The following CSMD1 variants were observed in gnomAD, a reference collection of about 807,000 sequenced individuals.
CSMD1 encodes CUB and Sushi multiple domains 1, also known as CUB and sushi domain-containing protein 1.
Under a neutral mutation model 417.5 loss-of-function variants are expected in CSMD1, and 213 were observed. The observed-to-expected ratio is 0.51, with a 90% CI of 0.46 to 0.57. CSMD1 has a LOEUF of 0.57. Ranked by LOEUF, CSMD1 falls within the 20% of genes least tolerant of loss-of-function variation. The pLI is 0.00. For missense variants in CSMD1, 6,923 were observed against 4,529.7 expected, an observed-to-expected ratio of 1.53 and a Z score of -15.17; for synonymous variants, 2,862 against 1,736.8, an observed-to-expected ratio of 1.65 and a Z score of -16.11.
chr8:2,995,941 G>A (rs893382544), intron 54 of CSMD1, among the ~76,000 whole-genome samples: 1 of 152,098 alleles, frequency 6.6e-6, no homozygotes, highest in African/African-American at 2.4e-5. Flanking sequence ...GGAGTAAGGC[G>A]GATTCTAGTG....
At chr8:3,689,081 C>G (rs1800096534) in intron 7 of CSMD1, among the ~76,000 whole-genome samples, 1 of 152,104 alleles carries the variant, frequency 6.6e-6, no homozygotes, top group Non-Finnish European at 1.5e-5. Context: ...CACTTATTCC[C>G]AACTCATCAT....
chr8:4,341,088 G>C (rs968034965), intron 3 of CSMD1, among the ~76,000 whole-genome samples: 5 of 152,044 alleles, frequency 3.3e-5, no homozygotes, highest in African/African-American at 1.2e-4. Flanking sequence ...AGAATAGTGA[G>C]AGAATAGAGA....
intron 1 of CSMD1, among the ~76,000 whole-genome samples, chr8:4,709,371 T>C (rs984545425): frequency 2.0e-4 from 31 of 152,280 alleles, no homozygotes; most frequent in African/African-American, 5.8e-4. Flanking sequence ...TGTCCCATTG[T>C]GTGCAGCAAT....
chr8:3,691,165 G>C (rs1163496211), intron 7 of CSMD1, among the ~76,000 whole-genome samples: 1 of 152,048 alleles, frequency 6.6e-6, no homozygotes, highest in African/African-American at 2.4e-5. Context: ...TCAGGAGTTT[G>C]AGACCAGCGT....
intron 2 of CSMD1, among the ~76,000 whole-genome samples, chr8:4,538,912 C>G (rs1797242842): frequency 6.6e-6 from 1 of 152,138 alleles, no homozygotes; most frequent in South Asian, 2.1e-4. Flanking sequence ...ATCTTTGAAT[C>G]TAAAAGCCCA....
intron 5 of CSMD1, among the ~76,000 whole-genome samples, chr8:3,821,900 T>C (rs1028931695): frequency 6.6e-6 from 1 of 152,186 alleles, no homozygotes; most frequent in Non-Finnish European, 1.5e-5. Flanking sequence ...GAACTGTGCT[T>C]CCAGAAGCTG....
intron 3 of CSMD1, among the ~76,000 whole-genome samples, chr8:4,312,475 A>C (rs1446375558): frequency 4.0e-5 from 6 of 149,710 alleles, no homozygotes; most frequent in Admixed American, 2.0e-4. Context: ...GTATATATAT[A>C]TATACACATA....
At chr8:3,678,942 T>C (rs1585063019) in intron 7 of CSMD1, among the ~76,000 whole-genome samples, 1 of 152,054 alleles carries the variant, frequency 6.6e-6, no homozygotes, top group East Asian at 1.9e-4. Flanking sequence ...AAATTAAGCT[T>C]CATAAGTGAA....
At chr8:4,534,675 G>A (rs1204678205) in intron 2 of CSMD1, among the ~76,000 whole-genome samples, 1 of 152,068 alleles carries the variant, frequency 6.6e-6, no homozygotes, top group Non-Finnish European at 1.5e-5. Flanking sequence ...AGTTATAAGT[G>A]AGAACATGTG....
intron 10 of CSMD1, among the ~76,000 whole-genome samples, chr8:3,494,349 C>G (rs993871711): frequency 6.6e-6 from 1 of 152,144 alleles, no homozygotes; most frequent in East Asian, 1.9e-4. Flanking sequence ...TAACTTCTTT[C>G]TGTAGAGCAC....
At chr8:4,841,210 T>C (rs753909675) in intron 1 of CSMD1, among the ~76,000 whole-genome samples, 8 of 152,248 alleles carry the variant, frequency 5.3e-5, no homozygotes, top group Non-Finnish European at 8.8e-5. Flanking sequence ...ATTATGTTGA[T>C]ATATCTAGAT....
At chr8:4,154,597 G>A (rs1265709988) in intron 3 of CSMD1, among the ~76,000 whole-genome samples, 1 of 152,120 alleles carries the variant, frequency 6.6e-6, no homozygotes, top group Non-Finnish European at 1.5e-5. Context: ...TTTGGCAATA[G>A]GAATGCATGA....
At chr8:3,307,099 C>T (rs1439567359) in intron 25 of CSMD1, among the ~76,000 whole-genome samples, 4 of 152,212 alleles carry the variant, frequency 2.6e-5, no homozygotes, top group Non-Finnish European at 5.9e-5. Context: ...GACTTTGCTT[C>T]TCTTCCTATT....
At chr8:3,655,071 G>A (rs544138314) in intron 7 of CSMD1, among the ~76,000 whole-genome samples, 1 of 152,266 alleles carries the variant, frequency 6.6e-6, no homozygotes, top group Non-Finnish European at 1.5e-5. Flanking sequence ...TTTAAAGAAT[G>A]TTTTTTAACC....
intron 1 of CSMD1, among the ~76,000 whole-genome samples, chr8:4,899,240 T>C (rs1205213219): frequency 1.3e-5 from 2 of 152,230 alleles, no homozygotes; most frequent in African/African-American, 4.8e-5. Flanking sequence ...AGAGAAGTTT[T>C]GGTTGAAATT....
intron 1 of CSMD1, among the ~76,000 whole-genome samples, chr8:4,963,597 T>C (rs140167198): frequency 3.3e-5 from 5 of 152,342 alleles, no homozygotes; most frequent in East Asian, 3.9e-4. Context: ...TTTATTTTTA[T>C]TGCTATCATT....
rs111970225 is a variant in CSMD1 at position 4,330,107 on chromosome 8, G to T, written c.415+89846C>A. The stretch of plus-strand genomic sequence containing the variant: ...AGCAATGCAAGAACAGTCCAATATA[G>T]TCAGCATTTGACTACATTTAAGACT... On this transcript the variant is annotated intron_variant, in intron 3 of 69. Transcript: ENST00000635120. Among the ~76,000 whole-genome samples, 171 of 151,680 alleles carry T rather than the reference G, an allele frequency of 1.1e-3. 2 individuals carry two copies. The highest frequency in any genetic ancestry group is 3.8e-3 in the African/African-American group (158 of 41,472).
chr8:4,539,170 C>T (rs1225771842), intron 2 of CSMD1, among the ~76,000 whole-genome samples: 1 of 152,108 alleles, frequency 6.6e-6, no homozygotes, highest in Non-Finnish European at 1.5e-5. Flanking sequence ...AATTAACACA[C>T]AATTTGAATT....
chr8:3,544,590 G>A (rs1202750369), intron 10 of CSMD1, among the ~76,000 whole-genome samples: 10 of 151,974 alleles, frequency 6.6e-5, no homozygotes, highest in Admixed American at 6.6e-4. Flanking sequence ...GGTCTGGATT[G>A]GGATCCCTTT....
Sources: gnomAD v4.1 joint callset for allele counts (sites outside exome capture counted in the v4.1 genomes callset) on GRCh38, gnomAD v4.1.1 for gene constraint, MANE v1.5 for transcripts, NCBI Gene and HGNC (gene_info 2026-07-23, HGNC 2026-07-21) for gene names.